RHEX: variants seen among roughly 807,000 people sequenced by gnomAD.
RHEX encodes regulator of hemoglobinization and erythroid cell expansion, also known as regulator of hemoglobinization and erythroid cell expansion protein.
RHEX carries 18 observed loss-of-function variants against 20.1 expected under a neutral mutation model. The observed-to-expected ratio is 0.90, with a 90% CI of 0.62 to 1.33. RHEX has a LOEUF of 1.33. RHEX is among the 40% of genes most tolerant of loss of function. The pLI, the probability that RHEX is intolerant of heterozygous loss-of-function variation, is 0.00. For missense variants in RHEX, 192 were observed against 214.3 expected, an observed-to-expected ratio of 0.90 and a Z score of 0.65; for synonymous variants, 87 against 77.1, an observed-to-expected ratio of 1.13 and a Z score of -0.67.
At chr1:206,055,644 T>C (rs1179518005) in intron 1 of RHEX, among the ~76,000 whole-genome samples, 2 of 152,330 alleles carry the variant, frequency 1.3e-5, no homozygotes, top group South Asian at 2.1e-4. Flanking sequence ...TAGATGACAG[T>C]CAATAAAAAT....
At chr1:206,063,646 G>A (rs537662575) in intron 1 of RHEX, among the ~76,000 whole-genome samples, 4 of 152,246 alleles carry the variant, frequency 2.6e-5, no homozygotes, top group Admixed American at 6.5e-5. Context: ...CGCCAGCCTC[G>A]GCCTCCCGAG....
At chr1:206,097,355 GA>G (rs112569747) in intron 1 of RHEX, among the ~76,000 whole-genome samples, 2,880 of 152,268 alleles carry the variant, frequency 0.019, 66 homozygotes, top group Admixed American at 0.075. Flanking sequence ...TGGATGCATG[GA>G]CGAATGGAGA....
chr1:206,059,433 C>G (rs1553283051), intron 1 of RHEX, among the ~76,000 whole-genome samples: 1 of 152,128 alleles, frequency 6.6e-6, no homozygotes, highest in Non-Finnish European at 1.5e-5. Flanking sequence ...GCTATTTATC[C>G]AAGGTGGCTA....
intron 1 of RHEX, among the ~76,000 whole-genome samples, chr1:206,079,524 G>A (rs1216341884): frequency 6.6e-6 from 1 of 152,112 alleles, no homozygotes; most frequent in Non-Finnish European, 1.5e-5. Flanking sequence ...CCAAAGGAAT[G>A]GTTAGGAATT....
At chr1:206,054,589 T>G (rs980957330) in intron 1 of RHEX, among the ~76,000 whole-genome samples, 1 of 152,262 alleles carries the variant, frequency 6.6e-6, no homozygotes, top group Non-Finnish European at 1.5e-5. Flanking sequence ...TTCTGTGAAC[T>G]GGACATTAAA....
At chr1:206,079,822 G>A (rs1026608150) in intron 1 of RHEX, among the ~76,000 whole-genome samples, 1 of 152,122 alleles carries the variant, frequency 6.6e-6, no homozygotes, top group African/African-American at 2.4e-5. Flanking sequence ...CAAAGTGCTG[G>A]GATTACAGGC....
At position 206,053,761 on chromosome 1, in the gene RHEX, G is replaced by T. The variant is rs188397301; in HGVS notation, c.-97+496G>T. Reference sequence around the variant, plus strand: ...TCAAAGGTATGACACAAGGTAACCCGTAAGCCAAGGCACCCAGACCAGTTT... The same window carrying T: ...TCAAAGGTATGACACAAGGTAACCCTTAAGCCAAGGCACCCAGACCAGTTT... On this transcript the variant is annotated intron_variant, in intron 1 of 5. Coordinates refer to ENST00000331555, the MANE Select transcript of RHEX (RefSeq NM_001007544.4). Among the ~76,000 whole-genome samples the T allele has an allele frequency of 3.7e-3, 569 of 152,314 alleles. 6 individuals are homozygous for T. The highest frequency in any genetic ancestry group is 0.013 in the African/African-American group (527 of 41,532).
intron 1 of RHEX, among the ~76,000 whole-genome samples, chr1:206,095,967 A>G (rs1430531903): frequency 1.3e-5 from 2 of 152,000 alleles, no homozygotes; most frequent in South Asian, 4.2e-4. Flanking sequence ...AGCTGAGACT[A>G]TAGGCACGTG....
chr1:206,083,669 G>T, intron 1 of RHEX: 1 of 981,888 alleles, frequency 1.0e-6, no homozygotes, highest in Non-Finnish European at 1.2e-6. Flanking sequence ...TGTCTATGGA[G>T]ACAGGATTTT....
chr1:206,083,591 T>C, intron 1 of RHEX: 1 of 985,456 alleles, frequency 1.0e-6, no homozygotes, highest in Non-Finnish European at 1.2e-6. Context: ...CGGGGAGATA[T>C]TTCCGTTAGG....
chr1:206,095,754 C>T (rs377247107), intron 1 of RHEX, among the ~76,000 whole-genome samples: 4 of 151,880 alleles, frequency 2.6e-5, no homozygotes, highest in East Asian at 1.9e-4. Context: ...AGGTGGAGGT[C>T]GCAGTGAGCC....
At chr1:206,075,544 G>A (rs940431156) in intron 1 of RHEX, among the ~76,000 whole-genome samples, 11 of 151,838 alleles carry the variant, frequency 7.2e-5, no homozygotes, top group African/African-American at 2.2e-4. Context: ...TTATAAAGCA[G>A]CAGATAAATT....
Position 206,098,304 on chromosome 1 carries a change from G to A in RHEX, c.112+123G>A, listed in dbSNP as rs139758240. ...TCAAAAACCTACCAGAGGACCCACC[G>A]GCCAAATTCCTTCCCACCGCTCCCC... is the stretch of plus-strand genomic sequence containing the variant. On this transcript the variant is annotated intron_variant, in intron 3 of 5. Transcript: ENST00000331555. The A allele has an allele frequency of 4.8e-4, 325 of 680,248 alleles. 2 individuals are homozygous for A. The South Asian group carries it at 5.2e-3, about 11-fold the overall frequency. The allele number at this position is 680,248 out of a possible 1,614,324, so 42.1% of individuals were successfully genotyped here. A position where few individuals can be genotyped will look rare whatever the true frequency, so the allele number is the denominator to read the frequency against.
rs1419387881 is a variant in RHEX at position 206,064,089 on chromosome 1, G to A, written c.-97+10824G>A. 6.8e-5 allele frequency among the ~76,000 whole-genome samples: 10 copies of A among 146,514 alleles called. No homozygotes were observed. In the South Asian group the frequency reaches 1.1e-3, roughly 16 times the overall value. ...AGCGCCTCTGCCCAGCCGCGACCCC[G>A]TCTGGGAGGTGAGGAGCGTCTCTGC... On this transcript the variant is annotated intron_variant, in intron 1 of 5. Coordinates refer to ENST00000331555, the MANE Select transcript of RHEX (RefSeq NM_001007544.4).
chr1:206,055,690 G>T (rs1340261228), intron 1 of RHEX, among the ~76,000 whole-genome samples: 1 of 152,366 alleles, frequency 6.6e-6, no homozygotes, highest in Non-Finnish European at 1.5e-5. Context: ...ACACCCAACA[G>T]CAATGAGCTT....
At chr1:206,079,651 G>A (rs1178852431) in intron 1 of RHEX, among the ~76,000 whole-genome samples, 2 of 152,174 alleles carry the variant, frequency 1.3e-5, no homozygotes, top group East Asian at 1.9e-4. Flanking sequence ...TGCCTGCTAG[G>A]TTCAAGCGAA....
chr1:206,063,839 C>G (rs1227264882), intron 1 of RHEX, among the ~76,000 whole-genome samples: 12 of 151,990 alleles, frequency 7.9e-5, no homozygotes, highest in East Asian at 3.9e-4. Flanking sequence ...AGGAGCGTCT[C>G]TGCCTGGCCG....
At chr1:206,062,726 G>A (rs563618509) in intron 1 of RHEX, among the ~76,000 whole-genome samples, 5 of 152,192 alleles carry the variant, frequency 3.3e-5, no homozygotes, top group African/African-American at 1.2e-4. Context: ...GAAAGGGGAC[G>A]GGGGAGGAGT....
At chr1:206,071,880 AAG>A (rs1241494243) in intron 1 of RHEX, among the ~76,000 whole-genome samples, 3 of 152,172 alleles carry the variant, frequency 2.0e-5, no homozygotes, top group African/African-American at 7.2e-5. Flanking sequence ...AAAAAAGAAA[AAG>A]AAAGTGTAAA....
Sources: allele counts gnomAD v4.1 joint callset (sites outside exome capture counted in the v4.1 genomes callset), GRCh38; gene constraint gnomAD v4.1.1; transcripts MANE v1.5; gene names NCBI Gene and HGNC (gene_info 2026-07-23, HGNC 2026-07-21).